The following KCNH7 variants were observed in gnomAD, a reference collection of about 807,000 sequenced individuals.
KCNH7 encodes the protein potassium voltage-gated channel subfamily H member 7, also known as voltage-gated inwardly rectifying potassium channel KCNH7.
In KCNH7, 49 loss-of-function variants were observed where a neutral mutation model predicts 120.8. The ratio of observed to expected loss-of-function variants is 0.41; its 90% confidence interval spans 0.32 to 0.51. The LOEUF is 0.51. KCNH7 is among the 20% of genes least tolerant of loss of function. The pLI is 0.38. For synonymous variants in KCNH7, 547 were observed against 516.1 expected, an observed-to-expected ratio of 1.06 and a Z score of -0.81; for missense variants, 1,097 against 1,446.6, an observed-to-expected ratio of 0.76 and a Z score of 3.92.
intron 13 of KCNH7, among the ~76,000 whole-genome samples, chr2:162,382,954 GC>G (rs1234737857): frequency 6.6e-6 from 1 of 151,768 alleles, no homozygotes; most frequent in Non-Finnish European, 1.5e-5. Context: ...AATAGAGATT[GC>G]CCTGTAAATT....
rs1011435257 is a variant in KCNH7, at chr2:162,427,055, G to GT, written c.1955-3521dup. On this transcript the variant is annotated intron_variant, in intron 8 of 15. Transcript: ENST00000332142. ...ATTCTGTTGTGTGTATCAGTAATTT[G>GT]TTTTTTTTTTAACTGCTGAATTGAT... Among the ~76,000 whole-genome samples, 79 of 146,336 alleles carry GT rather than the reference G, an allele frequency of 5.4e-4. No individual in the cohort carries two copies. The East Asian group carries it at 5.8e-3, about 11-fold the overall frequency.
intron 2 of KCNH7, among the ~76,000 whole-genome samples, chr2:162,724,379 G>A (rs895532001): frequency 4.6e-5 from 7 of 152,112 alleles, no homozygotes; most frequent in African/African-American, 1.4e-4. Context: ...ATAAACATAA[G>A]AATATACTGT....
chr2:162,388,461 A>T (rs927641822), intron 12 of KCNH7, among the ~76,000 whole-genome samples: 1 of 151,874 alleles, frequency 6.6e-6, no homozygotes, highest in Non-Finnish European at 1.5e-5. Context: ...ATATGAAAAA[A>T]ATCACTTTGT....
intron 3 of KCNH7, among the ~76,000 whole-genome samples, chr2:162,527,437 CT>C (rs1306924602): frequency 6.6e-6 from 1 of 151,942 alleles, no homozygotes; most frequent in Non-Finnish European, 1.5e-5. Context: ...TAAAAGCCCT[CT>C]TATAAACCAG....
chr2:162,835,491 T>C (rs910937753), intron 2 of KCNH7, among the ~76,000 whole-genome samples: 14 of 152,034 alleles, frequency 9.2e-5, no homozygotes, highest in African/African-American at 3.4e-4. Context: ...TCTGCCTCAG[T>C]AATTTCTGTT....
intron 6 of KCNH7, among the ~76,000 whole-genome samples, chr2:162,455,260 C>T (rs564187992): frequency 6.6e-6 from 1 of 152,188 alleles, no homozygotes; most frequent in South Asian, 2.1e-4. Flanking sequence ...TATGTTGAAC[C>T]AGCCTTGCGT....
intron 2 of KCNH7, among the ~76,000 whole-genome samples, chr2:162,621,034 A>C (rs1449436707): frequency 2.0e-5 from 3 of 151,946 alleles, no homozygotes; most frequent in African/African-American, 4.8e-5. Context: ...TGACTTCCAA[A>C]TGCCTCCATC....
At chr2:162,800,098 G>A (rs193049330) in intron 2 of KCNH7, among the ~76,000 whole-genome samples, 9 of 151,462 alleles carry the variant, frequency 5.9e-5, no homozygotes, top group Non-Finnish European at 1.3e-4. Context: ...CAAACAATGA[G>A]TATTCCAGGG....
At chr2:162,392,418 C>G (rs1229977389) in intron 12 of KCNH7, among the ~76,000 whole-genome samples, 1 of 151,096 alleles carries the variant, frequency 6.6e-6, no homozygotes. Flanking sequence ...AAATGTGGAG[C>G]AAGATAAAGC....
chr2:162,766,315 T>C (rs2105461791), intron 2 of KCNH7, among the ~76,000 whole-genome samples: 1 of 152,218 alleles, frequency 6.6e-6, no homozygotes, highest in Admixed American at 6.5e-5. Context: ...AAACAACAGG[T>C]TAAGCAAAAG....
chr2:162,627,318 A>G (rs913811885), intron 2 of KCNH7, among the ~76,000 whole-genome samples: 2 of 152,194 alleles, frequency 1.3e-5, no homozygotes, highest in Non-Finnish European at 2.9e-5. Flanking sequence ...TGAGATTGTG[A>G]AAATAGCATC....
At chr2:162,474,976 A>G (rs1689685714) in intron 6 of KCNH7, among the ~76,000 whole-genome samples, 1 of 152,204 alleles carries the variant, frequency 6.6e-6, no homozygotes, top group East Asian at 1.9e-4. Flanking sequence ...GTCAGCTCAC[A>G]TTCTTCCAGC....
chr2:162,426,214 TAAA>T (rs751111957), intron 8 of KCNH7, among the ~76,000 whole-genome samples: 14 of 118,938 alleles, frequency 1.2e-4, no homozygotes, highest in Admixed American at 1.7e-4. Context: ...ACCCTATCTT[TAAA>T]AAAAAAAAAA....
chr2:162,434,058 A>T (rs1043391998), intron 8 of KCNH7, among the ~76,000 whole-genome samples: 4 of 151,940 alleles, frequency 2.6e-5, no homozygotes, highest in Admixed American at 1.3e-4. Flanking sequence ...ATAAAAAAGA[A>T]AAAAAAGCAT....
At chr2:162,589,856 A>G (rs1694149279) in intron 2 of KCNH7, among the ~76,000 whole-genome samples, 1 of 152,150 alleles carries the variant, frequency 6.6e-6, no homozygotes. Flanking sequence ...TACTAACTGT[A>G]TTATTTAGGT....
chr2:162,557,398 C>T (rs764121195), intron 2 of KCNH7, among the ~76,000 whole-genome samples: 1 of 152,168 alleles, frequency 6.6e-6, no homozygotes, highest in Non-Finnish European at 1.5e-5. Flanking sequence ...AAGCTTACAA[C>T]CAGCACAGCA....
chr2:162,685,001 T>G (rs1036136153), intron 2 of KCNH7, among the ~76,000 whole-genome samples: 2 of 152,028 alleles, frequency 1.3e-5, no homozygotes, highest in Admixed American at 1.3e-4. Context: ...ATATATACCA[T>G]GGAATACTAT....
chr2:162,587,786 C>T (rs1694065731), intron 2 of KCNH7, among the ~76,000 whole-genome samples: 1 of 151,998 alleles, frequency 6.6e-6, no homozygotes, highest in Admixed American at 6.6e-5. Context: ...TACTTCTTAC[C>T]ACAATGTGTG....
At chr2:162,374,307 C>A (rs1466732556) in intron 14 of KCNH7, among the ~76,000 whole-genome samples, 1 of 152,140 alleles carries the variant, frequency 6.6e-6, no homozygotes, top group East Asian at 1.9e-4. Context: ...ATCTGGCCTG[C>A]AAAATACCAG....
Sources: gnomAD v4.1 joint callset for allele counts (sites outside exome capture counted in the v4.1 genomes callset) on GRCh38, gnomAD v4.1.1 for gene constraint, MANE v1.5 for transcripts, NCBI Gene and HGNC (gene_info 2026-07-23, HGNC 2026-07-21) for gene names.